The following SLC12A1 variants were observed in gnomAD, a reference collection of about 807,000 sequenced individuals.
SLC12A1 encodes solute carrier family 12 member 1.
SLC12A1 carries 89 observed loss-of-function variants against 130.4 expected under a neutral mutation model. That is an observed-to-expected ratio of 0.68 (90% CI 0.58 to 0.81). The LOEUF (loss-of-function observed/expected upper bound fraction) is 0.81, where lower values mean the gene tolerates loss of function less well. Among genes scored for constraint, SLC12A1 ranks in the 40% least tolerant of loss-of-function variants. SLC12A1 has a pLI of 0.00. For synonymous variants in SLC12A1, 499 were observed against 460.0 expected (o/e 1.08, Z -1.09); for missense variants, 1,310 against 1,336.4 (o/e 0.98, Z 0.31).
At chr15:48,236,108 C>T (rs1463956095) in intron 9 of SLC12A1, among the ~76,000 whole-genome samples, 1 of 151,066 alleles carries the variant, frequency 6.6e-6, no homozygotes, top group East Asian at 1.9e-4. Context: ...CACACACACA[C>T]ACACACACAC....
intron 18 of SLC12A1, 31 bp from the exon 19 acceptor site, chr15:48,269,627 G>T: frequency 1.6e-6 from 2 of 1,223,320 alleles, no homozygotes; most frequent in Admixed American, 1.7e-5. Flanking sequence ...GTACGGTAAG[G>T]ATTGCCCACA....
At chr15:48,272,680 G>A (rs1349772194) in intron 19 of SLC12A1, among the ~76,000 whole-genome samples, 2 of 152,106 alleles carry the variant, frequency 1.3e-5, no homozygotes, top group Non-Finnish European at 2.9e-5. Context: ...CACCGCCTTG[G>A]CCTCCCAGAG....
chr15:48,259,167 G>A (rs764944816), intron 16 of SLC12A1, 33 bp from the exon 17 acceptor site: 16 of 1,376,022 alleles, frequency 1.2e-5, no homozygotes, highest in East Asian at 2.3e-5. Flanking sequence ...CTTCTTGCAG[G>A]GGCTCATTTT....
At chr15:48,262,644 A>G (rs1878187) in intron 17 of SLC12A1, among the ~76,000 whole-genome samples, 15,379 of 152,236 alleles carry the variant, frequency 0.1, 1,171 homozygotes, top group African/African-American at 0.21. Flanking sequence ...AATCCAGCTC[A>G]GTAATTTAAA....
chr15:48,255,669 C>T, intron 15 of SLC12A1, 142 bp from the exon 16 acceptor site: 1 of 612,814 alleles, frequency 1.6e-6, no homozygotes. Context: ...GGAAATCCCA[C>T]ACTATATTTT....
intron 15 of SLC12A1, among the ~76,000 whole-genome samples, chr15:48,255,599 TG>T (rs1218243749): frequency 6.6e-6 from 1 of 152,238 alleles, no homozygotes; most frequent in African/African-American, 2.4e-5. Context: ...TTTGCTGGAA[TG>T]AAGCCTTAGC....
rs2041845224 is a variant in SLC12A1, at chr15:48,267,554, C to T, written c.2155-7C>T. On this transcript the variant is annotated splice_region_variant and splice_polypyrimidine_tract_variant and intron_variant, in intron 17 of 26. Transcript: ENST00000380993. ...GGTTCTAACCAATATTTCATTGTGTCACACAGGGACCGCGCAAACTGTGTG... is the reference window on the plus strand; with the variant it reads ...GGTTCTAACCAATATTTCATTGTGTTACACAGGGACCGCGCAAACTGTGTG... The T allele has an allele frequency of 1.9e-6, 3 of 1,613,006 alleles. No individual in the cohort carries two copies. Among genetic ancestry groups the T allele is most frequent in the Admixed American group, 3.3e-5 (2 of 59,952 alleles).
chr15:48,289,116 G>T (rs1021197165), intron 23 of SLC12A1, among the ~76,000 whole-genome samples: 2 of 151,470 alleles, frequency 1.3e-5, no homozygotes, highest in Non-Finnish European at 2.9e-5. Flanking sequence ...AAATCCCACA[G>T]TGTAAGTCTG....
chr15:48,278,563 G>A (rs983572863), intron 20 of SLC12A1, among the ~76,000 whole-genome samples: 2 of 152,148 alleles, frequency 1.3e-5, no homozygotes, highest in Non-Finnish European at 2.9e-5. Context: ...TGTTCCTTAA[G>A]ACACCCAACA....
chr15:48,253,658 T>C (rs1296799460), intron 15 of SLC12A1, among the ~76,000 whole-genome samples: 3 of 152,226 alleles, frequency 2.0e-5, no homozygotes, highest in Admixed American at 1.3e-4. Context: ...TATGTTTTCA[T>C]TTTCCCTTGG....
chr15:48,211,584 G>T (rs926007982), intron 2 of SLC12A1, among the ~76,000 whole-genome samples: 3 of 152,126 alleles, frequency 2.0e-5, no homozygotes, highest in Admixed American at 6.6e-5. Context: ...AAAAGTAGAA[G>T]GTAATTGACA....
chr15:48,246,695 C>A (rs534717738), intron 11 of SLC12A1, among the ~76,000 whole-genome samples: 1 of 152,250 alleles, frequency 6.6e-6, no homozygotes, highest in Admixed American at 6.5e-5. Context: ...GTACAAGAAT[C>A]GCTTGAACCG....
chr15:48,211,879 T>C (rs2041055851), intron 2 of SLC12A1, among the ~76,000 whole-genome samples: 1 of 152,222 alleles, frequency 6.6e-6, no homozygotes, highest in Admixed American at 6.5e-5. Context: ...TCCCAATGAC[T>C]TGAGATCGTA....
In SLC12A1 at chr15:48,267,575, G is replaced by A. The variant is rs148372606; in HGVS notation, c.2169G>A (p.Leu723=). The stretch of plus-strand genomic sequence containing the variant: ...GTGTCACACAGGGACCGCGCAAACT[G>A]TGTGTTAAGGAGATGAACAGTGGCA... ...CCEVFVGPRK[L]CVKEMNSGMA... is the part of the protein sequence containing the mutation. The change falls in exon 18 of 27, where the codon CTG becomes CTA. Residue 723 remains leucine (L), a synonymous_variant. Coordinates refer to ENST00000380993, the MANE Select transcript of SLC12A1 (RefSeq NM_000338.3). The A allele has an allele frequency of 1.2e-5, 20 of 1,613,332 alleles. No individual in the cohort carries two copies. In the African/African-American group the frequency reaches 2.4e-4, roughly 19 times the overall value.
At chr15:48,280,000 C>T (rs2041994165) in intron 20 of SLC12A1, among the ~76,000 whole-genome samples, 1 of 151,930 alleles carries the variant, frequency 6.6e-6, no homozygotes, top group South Asian at 2.1e-4. Flanking sequence ...AGAATTACAA[C>T]TTAAAATTAA....
intron 4 of SLC12A1, 156 bp from the exon 5 acceptor site, chr15:48,226,320 G>A: frequency 1.8e-6 from 1 of 557,156 alleles, no homozygotes; most frequent in Admixed American, 3.9e-5. Context: ...TGGTCTTTAT[G>A]CCAGGCAAAC....
intron 24 of SLC12A1, among the ~76,000 whole-genome samples, chr15:48,297,714 G>C (rs756860514): frequency 6.6e-5 from 10 of 152,116 alleles, no homozygotes; most frequent in Non-Finnish European, 1.3e-4. Flanking sequence ...GCTTTTCAGA[G>C]CACTGTCACC....
At chr15:48,301,425 T>C (rs1214367254) in intron 26 of SLC12A1, 43 bp downstream of exon 26, 1 of 1,345,064 alleles carries the variant, frequency 7.4e-7, no homozygotes, top group Admixed American at 2.0e-5. Context: ...GAAATAAATC[T>C]TAGGGTTAAT....
chr15:48,239,030 C>T (rs919913799), intron 9 of SLC12A1, among the ~76,000 whole-genome samples: 1 of 152,048 alleles, frequency 6.6e-6, no homozygotes, highest in Non-Finnish European at 1.5e-5. Flanking sequence ...AATATAATGT[C>T]TAATGAAAAA....
Sources: gnomAD v4.1 joint callset for allele counts (sites outside exome capture counted in the v4.1 genomes callset) on GRCh38, gnomAD v4.1.1 for gene constraint, MANE v1.5 for transcripts, NCBI Gene and HGNC (gene_info 2026-07-23, HGNC 2026-07-21) for gene names.